Variants in FHIT observed in about 807,000 individuals in gnomAD.
FHIT encodes the protein fragile histidine triad diadenosine triphosphatase.
Under a neutral mutation model 17.9 loss-of-function variants are expected in FHIT, and 19 were observed. That is an observed-to-expected ratio of 1.06 (90% CI 0.74 to 1.56). The LOEUF is 1.56. FHIT is among the 40% of genes most tolerant of loss of function. The pLI, the probability that FHIT is intolerant of heterozygous loss-of-function variation, is 0.00. For synonymous variants in FHIT, 81 were observed against 69.7 expected (o/e 1.16, Z -0.81); for missense variants, 248 against 189.2 (o/e 1.31, Z -1.82).
chr3:59,890,758 T>G (rs1046432880), intron 8 of FHIT, among the ~76,000 whole-genome samples: 27 of 152,202 alleles, frequency 1.8e-4, no homozygotes, highest in African/African-American at 6.0e-4. Flanking sequence ...ATGCTGCTTA[T>G]TATCTCTCTT....
intron 2 of FHIT, among the ~76,000 whole-genome samples, chr3:61,129,819 T>A (rs2106951406): frequency 6.6e-6 from 1 of 152,352 alleles, no homozygotes; most frequent in Non-Finnish European, 1.5e-5. Context: ...CAGTAAATGA[T>A]ACCTTGTTTC....
chr3:60,609,529 G>A (rs1372151205), intron 4 of FHIT, among the ~76,000 whole-genome samples: 1 of 152,038 alleles, frequency 6.6e-6, no homozygotes, highest in East Asian at 1.9e-4. Flanking sequence ...GTCTAACCAT[G>A]TTGGTTAGAC....
intron 5 of FHIT, among the ~76,000 whole-genome samples, chr3:60,179,956 T>A (rs1366313101): frequency 1.3e-5 from 2 of 152,166 alleles, no homozygotes; most frequent in Non-Finnish European, 2.9e-5. Flanking sequence ...TTCTAAATTC[T>A]CTGAGGAATT....
At chr3:60,180,309 G>C (rs1244166320) in intron 5 of FHIT, among the ~76,000 whole-genome samples, 1 of 152,172 alleles carries the variant, frequency 6.6e-6, no homozygotes, top group East Asian at 1.9e-4. Context: ...TTATGCTGAA[G>C]TTATAAAAAG....
At chr3:61,073,823 G>C (rs770682597) in intron 2 of FHIT, among the ~76,000 whole-genome samples, 3 of 152,146 alleles carry the variant, frequency 2.0e-5, no homozygotes, top group Non-Finnish European at 4.4e-5. Flanking sequence ...CTGAAGCAGA[G>C]GCAGCTATAA....
chr3:60,381,341 G>C (rs533485465), intron 5 of FHIT, among the ~76,000 whole-genome samples: 135 of 152,206 alleles, frequency 8.9e-4, no homozygotes, highest in African/African-American at 3.2e-3. Context: ...AGCTGGGCAT[G>C]GTGGTGGGCA....
At chr3:60,657,723 G>C (rs1163309975) in intron 4 of FHIT, among the ~76,000 whole-genome samples, 1 of 152,084 alleles carries the variant, frequency 6.6e-6, no homozygotes, top group Non-Finnish European at 1.5e-5. Context: ...AATCCTCTTA[G>C]ACTGGTTTAT....
At chr3:60,277,159 T>C (rs1190639628) in intron 5 of FHIT, among the ~76,000 whole-genome samples, 1 of 152,190 alleles carries the variant, frequency 6.6e-6, no homozygotes, top group Non-Finnish European at 1.5e-5. Flanking sequence ...TTCATATTAA[T>C]GGTCCTAATT....
intron 8 of FHIT, among the ~76,000 whole-genome samples, chr3:59,754,645 C>T (rs1219437819): frequency 6.6e-6 from 1 of 152,136 alleles, no homozygotes; most frequent in Admixed American, 6.6e-5. Flanking sequence ...CAGAGGAATC[C>T]AAATAATTTA....
intron 5 of FHIT, among the ~76,000 whole-genome samples, chr3:60,018,476 A>T (rs1488436461): frequency 6.6e-6 from 1 of 152,182 alleles, no homozygotes; most frequent in African/African-American, 2.4e-5. Context: ...CTCTCTTGGA[A>T]GCCTGAGACC....
chr3:60,159,312 G>A (rs981450089), intron 5 of FHIT, among the ~76,000 whole-genome samples: 1 of 152,028 alleles, frequency 6.6e-6, no homozygotes, highest in African/African-American at 2.4e-5. Flanking sequence ...GCAGAGACAG[G>A]GTTTTGCCAT....
intron 5 of FHIT, among the ~76,000 whole-genome samples, chr3:60,214,652 T>C (rs1703612901): frequency 6.6e-6 from 1 of 152,134 alleles, no homozygotes; most frequent in South Asian, 2.1e-4. Flanking sequence ...AAACCAGCAA[T>C]CCCACTACTG....
At chr3:60,154,969 G>GC (rs1700617261) in intron 5 of FHIT, among the ~76,000 whole-genome samples, 1 of 152,072 alleles carries the variant, frequency 6.6e-6, no homozygotes, top group Non-Finnish European at 1.5e-5. Flanking sequence ...GGAGGCCAAG[G>GC]TGAGAGGATC....
intron 5 of FHIT, among the ~76,000 whole-genome samples, chr3:60,362,865 G>C (rs531613915): frequency 6.6e-6 from 1 of 152,186 alleles, no homozygotes; most frequent in South Asian, 2.1e-4. Context: ...ACAAAAAGAG[G>C]GGCAAAAAGG....
intron 2 of FHIT, among the ~76,000 whole-genome samples, chr3:61,076,766 G>C (rs1228116788): frequency 2.0e-5 from 3 of 152,106 alleles, no homozygotes; most frequent in African/African-American, 7.2e-5. Flanking sequence ...GGTGTTAAGA[G>C]GTAGAGGAAT....
intron 5 of FHIT, among the ~76,000 whole-genome samples, chr3:60,501,984 T>C (rs538948388): frequency 2.5e-4 from 38 of 152,308 alleles, no homozygotes; most frequent in African/African-American, 9.1e-4. Flanking sequence ...AATGATACAA[T>C]GACCCATGAC....
At chr3:61,090,112 A>G (rs1029972707) in intron 2 of FHIT, among the ~76,000 whole-genome samples, 1 of 152,212 alleles carries the variant, frequency 6.6e-6, no homozygotes, top group African/African-American at 2.4e-5. Context: ...TATGCCTTTC[A>G]TCCTTTTAGT....
At chr3:61,160,883 C>T (rs1407132201) in intron 2 of FHIT, among the ~76,000 whole-genome samples, 4 of 152,198 alleles carry the variant, frequency 2.6e-5, no homozygotes, top group Non-Finnish European at 5.9e-5. Flanking sequence ...GGTAATCACG[C>T]ACTTTGCTAC....
intron 5 of FHIT, among the ~76,000 whole-genome samples, chr3:60,376,410 C>T (rs543070785): frequency 1.3e-5 from 2 of 152,254 alleles, no homozygotes; most frequent in Admixed American, 6.5e-5. Flanking sequence ...TGGAAAAGTC[C>T]AGAAAATGCC....
Sources: gnomAD v4.1 joint callset for allele counts (sites outside exome capture counted in the v4.1 genomes callset) on GRCh38, gnomAD v4.1.1 for gene constraint, MANE v1.5 for transcripts, NCBI Gene and HGNC (gene_info 2026-07-23, HGNC 2026-07-21) for gene names.